Variants in CARM1 observed in about 807,000 individuals in gnomAD.
CARM1 encodes the protein coactivator associated arginine methyltransferase 1, also known as histone-arginine methyltransferase CARM1.
Under a neutral mutation model 72.7 loss-of-function variants are expected in CARM1, and 14 were observed. That is an observed-to-expected ratio of 0.19 (90% CI 0.13 to 0.30). The LOEUF (loss-of-function observed/expected upper bound fraction) is 0.30, where lower values mean the gene tolerates loss of function less well. Ranked by LOEUF, CARM1 falls within the 10% of genes least tolerant of loss-of-function variation. CARM1 has a pLI of 1.00. For synonymous variants in CARM1, 333 were observed against 345.5 expected (o/e 0.96, Z 0.40); for missense variants, 432 against 833.7 (o/e 0.52, Z 5.93).
chr19:10,906,833 G>A (rs1035258530), intron 2 of CARM1, among the ~76,000 whole-genome samples: 4 of 148,514 alleles, frequency 2.7e-5, no homozygotes, highest in African/African-American at 9.9e-5. Context: ...ATAATTTAGT[G>A]GCTATTATTC....
chr19:10,883,078 ACT>A (rs967742946), intron 1 of CARM1, among the ~76,000 whole-genome samples: 3 of 151,888 alleles, frequency 2.0e-5, no homozygotes, highest in Non-Finnish European at 4.4e-5. Context: ...GCCTCCCAGC[ACT>A]CTCTGGGTTA....
At chr19:10,908,230 A>G in intron 3 of CARM1, 85 bp downstream of exon 3, 1 of 866,256 alleles carries the variant, frequency 1.2e-6, no homozygotes, top group Non-Finnish European at 1.9e-6. Flanking sequence ...CAGCACAGGG[A>G]AGGCCCACCC....
At chr19:10,917,718 C>CTTTTTTT (rs1164032277) in intron 8 of CARM1, among the ~76,000 whole-genome samples, 19 of 129,796 alleles carry the variant, frequency 1.5e-4, no homozygotes, top group East Asian at 7.1e-4. Context: ...TTTTCTTTTT[C>CTTTTTTT]TTTTTTTTTT....
chr19:10,903,101 GTGTT>G (rs1028044318), intron 1 of CARM1, among the ~76,000 whole-genome samples: 44 of 152,242 alleles, frequency 2.9e-4, no homozygotes, highest in African/African-American at 1.1e-3. Flanking sequence ...TTTCTCAACA[GTGTT>G]TGTTGAAGAC....
chr19:10,906,790 G>A (rs1356620891), intron 2 of CARM1, among the ~76,000 whole-genome samples: 1 of 151,448 alleles, frequency 6.6e-6, no homozygotes, highest in Non-Finnish European at 1.5e-5. Flanking sequence ...TAAAGAGATT[G>A]TCTTTTAAAT....
intron 1 of CARM1, among the ~76,000 whole-genome samples, chr19:10,881,377 C>G (rs1269524337): frequency 2.6e-5 from 4 of 152,154 alleles, no homozygotes; most frequent in Non-Finnish European, 4.4e-5. Flanking sequence ...GGTACCAGTT[C>G]CTGGAGGACA....
chr19:10,871,906 C>A lies in CARM1; in HGVS notation c.204C>A (p.Gly68=). Reference sequence around the variant, plus strand: ...TGCGCGCCGGCCCGGACTCGGCGGGCATCGCCCTCTACAGCCGTGAGTACG... The same window carrying A: ...TGCGCGCCGGCCCGGACTCGGCGGGAATCGCCCTCTACAGCCGTGAGTACG... ...LEVRAGPDSA[G]IALYSHEDVC... is the part of the protein sequence containing the mutation. Residue 68 remains glycine (G), a synonymous_variant, in exon 1 of 16, where the codon GGC becomes GGA. Coordinates refer to ENST00000327064, the MANE Select transcript of CARM1 (RefSeq NM_199141.2). The surrounding 1 kb of genome is among the most constrained non-coding windows in gnomAD (Gnocchi z 5.6). The A allele has an allele frequency of 8.2e-7, 1 of 1,224,486 alleles. No homozygotes were observed. Among genetic ancestry groups the A allele is most frequent in the Non-Finnish European group, 1.0e-6 (1 of 979,692 alleles). The allele number at this position is 1,224,486 out of a possible 1,614,324, so 75.9% of individuals were successfully genotyped here. A position where few individuals can be genotyped will look rare whatever the true frequency, so the allele number is the denominator to read the frequency against.
chr19:10,904,875 G>T, intron 1 of CARM1, 76 bp from the exon 2 acceptor site: 1 of 1,571,320 alleles, frequency 6.4e-7, no homozygotes, highest in South Asian at 1.1e-5. Context: ...GCAGCAGGAG[G>T]GCGACAGGGA....
rs568353844 is a variant in CARM1 at position 10,923,006 on chromosome 19, C to T, written c.*1249C>T. 2.3e-5 allele frequency: 7 copies of T among 303,064 alleles called. No homozygotes were observed. Among genetic ancestry groups the T allele is most frequent in the East Asian group, 8.8e-5 (1 of 11,308 alleles). The allele number at this position is 303,064 out of a possible 1,614,324, so 18.8% of individuals were successfully genotyped here. A position where few individuals can be genotyped will look rare whatever the true frequency, so the allele number is the denominator to read the frequency against. Reference sequence around the variant, plus strand: ...CAAAGCTCCCTGCTCGGCTGCCCCTCGCCCGCCTTTATATAAATTCTCTGA... The same window carrying T: ...CAAAGCTCCCTGCTCGGCTGCCCCTTGCCCGCCTTTATATAAATTCTCTGA... On this transcript the variant is annotated 3_prime_UTR_variant, in exon 16 of 16. Transcript: ENST00000327064.
At chr19:10,917,718 C>CTTTTTTTTT (rs1164032277) in intron 8 of CARM1, among the ~76,000 whole-genome samples, 7 of 129,824 alleles carry the variant, frequency 5.4e-5, no homozygotes, top group Non-Finnish European at 9.8e-5. Flanking sequence ...TTTTCTTTTT[C>CTTTTTTTTT]TTTTTTTTTT....
rs146612370 is a variant in CARM1, at chr19:10,920,594, T to G, written c.1334+21T>G. On this transcript the variant is annotated intron_variant, in intron 11 of 15. Coordinates refer to ENST00000327064, the MANE Select transcript of CARM1 (RefSeq NM_199141.2). This position sits in a 1 kb window ranked among gnomAD's most constrained non-coding sequence, Gnocchi z 5.3. Reference sequence around the variant, plus strand: ...AAAAGGTGCGACTGCTCCCTGGGGCTGGTGGTGGTGGGCAGGGGTCCATCT... The same window carrying G: ...AAAAGGTGCGACTGCTCCCTGGGGCGGGTGGTGGTGGGCAGGGGTCCATCT... The G allele has an allele frequency of 5.6e-6, 9 of 1,613,818 alleles. No individual in the cohort carries two copies. The African/African-American group carries it at 1.2e-4, about 22-fold the overall frequency.
At chr19:10,875,589 T>A (rs974727410) in intron 1 of CARM1, among the ~76,000 whole-genome samples, 1 of 151,992 alleles carries the variant, frequency 6.6e-6, no homozygotes, top group African/African-American at 2.4e-5. Context: ...CACGCCCGGC[T>A]AATTCTTTGT....
rs541955308 is a variant in CARM1 at position 10,920,888 on chromosome 19, G to A, written c.1479G>A (p.Ser493=). 247 of 1,614,214 alleles carry A rather than the reference G, an allele frequency of 1.5e-4. No homozygotes were observed. The highest frequency in any genetic ancestry group is 3.3e-4 in the Middle Eastern group (2 of 6,062). ...CCGGCTCCCACTACACATCTCCCTC[G>A]GAAAACATGTGGAACACGGGCAGCA... ...PPPGSHYTSP[S]ENMWNTGSTY... Residue 493 remains serine, a synonymous_variant, in exon 13 of 16, where the codon TCG becomes TCA. Transcript: ENST00000327064. This position sits in a 1 kb window ranked among gnomAD's most constrained non-coding sequence, Gnocchi z 5.3.
intron 1 of CARM1, among the ~76,000 whole-genome samples, chr19:10,886,519 T>C (rs1019159575): frequency 6.6e-6 from 1 of 150,914 alleles, no homozygotes; most frequent in African/African-American, 2.4e-5. Flanking sequence ...TTATCTTTTA[T>C]CTTTTTTTTT....
At chr19:10,897,820 T>G (rs1421314729) in intron 1 of CARM1, among the ~76,000 whole-genome samples, 2 of 152,042 alleles carry the variant, frequency 1.3e-5, no homozygotes, top group Non-Finnish European at 2.9e-5. Context: ...AAACCCTGTC[T>G]CTAGGCTGGA....
intron 1 of CARM1, among the ~76,000 whole-genome samples, chr19:10,880,410 A>G (rs534635394): frequency 4.0e-5 from 6 of 151,738 alleles, no homozygotes; most frequent in Middle Eastern, 3.2e-3. Context: ...CAGTGACACG[A>G]TCATAGCTCA....
At chr19:10,898,467 G>A (rs1481558816) in intron 1 of CARM1, among the ~76,000 whole-genome samples, 3 of 152,226 alleles carry the variant, frequency 2.0e-5, no homozygotes, top group Admixed American at 6.5e-5. Flanking sequence ...AACATGCGCC[G>A]GCTGATGCCG....
chr19:10,910,056 G>A (rs370470417), intron 4 of CARM1, among the ~76,000 whole-genome samples: 1 of 152,122 alleles, frequency 6.6e-6, no homozygotes, highest in South Asian at 2.1e-4. Flanking sequence ...TTGGGGTACT[G>A]CTCTCCAGGC....
chr19:10,907,889 T>A, intron 2 of CARM1, 150 bp from the exon 3 acceptor site: 1 of 590,698 alleles, frequency 1.7e-6, no homozygotes. Flanking sequence ...CTTTGAACTT[T>A]GAAAATTGTT....
Sources: allele counts gnomAD v4.1 joint callset (sites outside exome capture counted in the v4.1 genomes callset), GRCh38; gene constraint gnomAD v4.1.1; non-coding constraint Gnocchi (gnomAD v3.1); transcripts MANE v1.5; gene names NCBI Gene and HGNC (gene_info 2026-07-23, HGNC 2026-07-21).